LGR6: variants seen among roughly 807,000 people sequenced by gnomAD.
The protein encoded by LGR6 is leucine rich repeat containing G protein-coupled receptor 6.
Under a neutral mutation model 69.4 loss-of-function variants are expected in LGR6, and 45 were observed. The ratio of observed to expected loss-of-function variants is 0.65; its 90% confidence interval spans 0.51 to 0.83. The LOEUF is 0.83. LGR6 is among the 40% of genes least tolerant of loss of function. The pLI, the probability that LGR6 is intolerant of heterozygous loss-of-function variation, is 0.00. For synonymous variants in LGR6, 538 were observed against 555.0 expected (o/e 0.97, Z 0.43); for missense variants, 1,108 against 1,246.7 (o/e 0.89, Z 1.68).
chr1:202,214,450 G>T (rs1465148557), intron 1 of LGR6, among the ~76,000 whole-genome samples: 2 of 151,720 alleles, frequency 1.3e-5, no homozygotes, highest in East Asian at 1.9e-4. Flanking sequence ...GCAGGGGCAC[G>T]GCCAGGCGGG....
chr1:202,210,247 ACCAGGCTGGGACCC>A (rs1659409198), intron 1 of LGR6, among the ~76,000 whole-genome samples: 1 of 152,038 alleles, frequency 6.6e-6, no homozygotes, highest in South Asian at 2.1e-4. Context: ...TGTTTCTCAG[ACCAGGCTGGGACCC>A]CCAAGAAAGC....
chr1:202,269,870 G>A (rs949677316), intron 4 of LGR6, among the ~76,000 whole-genome samples: 11 of 152,284 alleles, frequency 7.2e-5, no homozygotes, highest in East Asian at 1.9e-4. Context: ...CTCAGGGAGC[G>A]GGTACTATGG....
chr1:202,247,170 T>C (rs899855667), intron 4 of LGR6, among the ~76,000 whole-genome samples: 1 of 152,254 alleles, frequency 6.6e-6, no homozygotes, highest in African/African-American at 2.4e-5. Context: ...CCCAGGTGAT[T>C]CTGATGCACA....
intron 4 of LGR6, among the ~76,000 whole-genome samples, chr1:202,267,480 C>G (rs1159119720): frequency 7.2e-5 from 11 of 152,114 alleles, no homozygotes; most frequent in Non-Finnish European, 1.6e-4. Context: ...TGGGACAGGC[C>G]TTTCAGGACA....
At chr1:202,199,244 A>G (rs879932306) in intron 1 of LGR6, among the ~76,000 whole-genome samples, 5 of 152,020 alleles carry the variant, frequency 3.3e-5, no homozygotes, top group Non-Finnish European at 5.9e-5. Flanking sequence ...CAGCACCCAG[A>G]CCAGGGTGGG....
intron 10 of LGR6, among the ~76,000 whole-genome samples, chr1:202,304,043 C>T (rs1294906756): frequency 1.3e-5 from 2 of 152,226 alleles, no homozygotes; most frequent in African/African-American, 4.8e-5. Flanking sequence ...CCAACCTGCC[C>T]CCACAGCCCT....
intron 3 of LGR6, 93 bp from the exon 4 acceptor site, chr1:202,235,829 G>T (rs1263453441): frequency 8.6e-6 from 9 of 1,049,288 alleles, no homozygotes; most frequent in Non-Finnish European, 7.4e-6. Flanking sequence ...GAGGGGTCTG[G>T]CTTGGGACTG....
chr1:202,239,686 G>A (rs952500440), intron 4 of LGR6, among the ~76,000 whole-genome samples: 16 of 152,258 alleles, frequency 1.1e-4, no homozygotes, highest in African/African-American at 3.6e-4. Context: ...GGTGAAAGGA[G>A]AAGCAGACAA....
chr1:202,217,479 T>C (rs1280700163), intron 1 of LGR6, among the ~76,000 whole-genome samples: 1 of 152,046 alleles, frequency 6.6e-6, no homozygotes, highest in African/African-American at 2.4e-5. Flanking sequence ...AAACCCCACC[T>C]TTTTGTTTCT....
At chr1:202,284,203 G>A (rs1472283811) in intron 6 of LGR6, among the ~76,000 whole-genome samples, 2 of 152,168 alleles carry the variant, frequency 1.3e-5, no homozygotes, top group South Asian at 2.1e-4. Context: ...AAGCTCCCAG[G>A]ACATTTCTCC....
chr1:202,317,917 T>C, intron 17 of LGR6, 35 bp from the exon 18 acceptor site: 1 of 1,550,264 alleles, frequency 6.5e-7, no homozygotes, highest in Non-Finnish European at 8.7e-7. Context: ...CCCACCATCC[T>C]CTGGCCCAGG....
intron 16 of LGR6, among the ~76,000 whole-genome samples, chr1:202,312,467 C>T (rs545208642): frequency 6.6e-6 from 1 of 152,330 alleles, no homozygotes; most frequent in South Asian, 2.1e-4. Flanking sequence ...GGGCCAGGAG[C>T]AGCTTCACAG....
Position 202,310,875 on chromosome 1 carries a change from C to G in LGR6, c.1567+518C>G, listed in dbSNP as rs568947292. ...TCCAAGTCCATCCTGCACCTCCAGT[C>G]TGCCCCATGAGTCTGAAAGTGAGAC... On this transcript the variant is annotated intron_variant, in intron 16 of 17. Transcript: ENST00000367278. Among the ~76,000 whole-genome samples, 9 of 152,240 alleles carry G rather than the reference C, an allele frequency of 5.9e-5. No homozygotes were observed. In the South Asian group the frequency reaches 1.9e-3, roughly 32 times the overall value.
chr1:202,319,215 T>C lies in LGR6; in HGVS notation c.*8T>C. 1 of 1,564,248 alleles carries C rather than the reference T, an allele frequency of 6.4e-7. No homozygotes were observed. Among genetic ancestry groups the C allele is most frequent in the Admixed American group, 1.9e-5 (1 of 53,046 alleles). On this transcript the variant is annotated 3_prime_UTR_variant, in exon 18 of 18. Coordinates refer to ENST00000367278, the MANE Select transcript of LGR6 (RefSeq NM_001017403.2). The stretch of plus-strand genomic sequence containing the variant: ...TTTGCTTCACACGTGTAAATATCCC[T>C]CCCCATTCTTCTCTTCCCCTCTCTT...
chr1:202,252,320 G>C (rs1288053112), intron 4 of LGR6, among the ~76,000 whole-genome samples: 1 of 152,120 alleles, frequency 6.6e-6, no homozygotes, highest in Non-Finnish European at 1.5e-5. Context: ...TATACTGCCT[G>C]CATCAATACA....
intron 1 of LGR6, among the ~76,000 whole-genome samples, chr1:202,202,266 CT>C (rs897575817): frequency 6.6e-6 from 1 of 152,266 alleles, no homozygotes; most frequent in South Asian, 2.1e-4. Context: ...GTTTTCTGCC[CT>C]TTTTCCCTCA....
chr1:202,205,866 AAC>A (rs1461919523), intron 1 of LGR6, among the ~76,000 whole-genome samples: 1 of 127,900 alleles, frequency 7.8e-6, no homozygotes, highest in Non-Finnish European at 1.6e-5. Flanking sequence ...ACCTCCTTCA[AAC>A]ACACACCCGT....
chr1:202,226,450 C>T (rs527716451), intron 2 of LGR6, among the ~76,000 whole-genome samples: 33 of 152,168 alleles, frequency 2.2e-4, no homozygotes, highest in Non-Finnish European at 4.6e-4. Context: ...CGAAAGCATT[C>T]ACAATTTCAC....
At chr1:202,217,210 A>C (rs1659845439) in intron 1 of LGR6, among the ~76,000 whole-genome samples, 1 of 152,194 alleles carries the variant, frequency 6.6e-6, no homozygotes, top group Non-Finnish European at 1.5e-5. Flanking sequence ...AACCCCTTTC[A>C]GTAAGAAGAG....
Sources: allele counts gnomAD v4.1 joint callset (sites outside exome capture counted in the v4.1 genomes callset), GRCh38; gene constraint gnomAD v4.1.1; transcripts MANE v1.5; gene names NCBI Gene and HGNC (gene_info 2026-07-23, HGNC 2026-07-21).